The following TINAG variants were observed in gnomAD, a reference collection of about 807,000 sequenced individuals.
TINAG encodes tubulointerstitial nephritis antigen.
A neutral mutation model predicts 72.7 loss-of-function variants in TINAG; 83 were observed. That is an observed-to-expected ratio of 1.14 (90% CI 0.96 to 1.37). TINAG has a LOEUF of 1.37. Ranked by LOEUF, TINAG falls within the 40% of genes most tolerant of loss-of-function variation. The pLI is 0.00. For synonymous variants in TINAG, 234 were observed against 189.9 expected, an observed-to-expected ratio of 1.23 and a Z score of -1.91; for missense variants, 685 against 576.6, an observed-to-expected ratio of 1.19 and a Z score of -1.93.
At chr6:54,308,981 T>G in intron 1 of TINAG, 76 bp downstream of exon 1, 2 of 1,233,146 alleles carry the variant, frequency 1.6e-6, no homozygotes, top group Non-Finnish European at 2.2e-6. Context: ...CTCTTTTTCT[T>G]CTTTCTTTTT....
intron 9 of TINAG, among the ~76,000 whole-genome samples, chr6:54,373,168 T>A (rs1763682628): frequency 6.6e-6 from 1 of 151,890 alleles, no homozygotes; most frequent in African/African-American, 2.4e-5. Context: ...ATTGGTATAA[T>A]GACCCAACTG....
At chr6:54,323,192 C>T (rs1360691812) in intron 3 of TINAG, among the ~76,000 whole-genome samples, 1 of 152,104 alleles carries the variant, frequency 6.6e-6, no homozygotes, top group African/African-American at 2.4e-5. Flanking sequence ...AATATTAAAA[C>T]ATCACATAAC....
intron 4 of TINAG, 71 bp downstream of exon 4, chr6:54,326,987 A>G: frequency 1.3e-6 from 2 of 1,593,206 alleles, no homozygotes; most frequent in African/African-American, 1.4e-5. Context: ...ATTAAAAGCA[A>G]TTATAAATCA....
chr6:54,380,498 C>T (rs763033273), intron 9 of TINAG, 28 bp from the exon 10 acceptor site: 4 of 1,591,706 alleles, frequency 2.5e-6, no homozygotes, highest in Non-Finnish European at 3.4e-6. Flanking sequence ...TTAACCATAC[C>T]AATCTTTATT....
intron 10 of TINAG, among the ~76,000 whole-genome samples, chr6:54,388,437 A>G (rs1250933089): frequency 1.3e-5 from 2 of 152,152 alleles, no homozygotes; most frequent in Non-Finnish European, 2.9e-5. Context: ...AAAATTGGCT[A>G]TTTCTTAAAG....
intron 10 of TINAG, among the ~76,000 whole-genome samples, chr6:54,385,954 G>C (rs750920932): frequency 7.5e-6 from 1 of 134,082 alleles, no homozygotes; most frequent in Non-Finnish European, 1.5e-5. Context: ...GCAGTGTCGT[G>C]ATCTTGGCTA....
chr6:54,361,809 A>G (rs1259807145), intron 9 of TINAG, among the ~76,000 whole-genome samples: 1 of 151,768 alleles, frequency 6.6e-6, no homozygotes, highest in African/African-American at 2.4e-5. Flanking sequence ...TAATCCAACA[A>G]ATATACAAAT....
intron 9 of TINAG, among the ~76,000 whole-genome samples, chr6:54,372,512 G>A (rs1053465592): frequency 6.6e-6 from 1 of 151,912 alleles, no homozygotes; most frequent in Admixed American, 6.6e-5. Context: ...TGAATTTCCA[G>A]AGATTTGGGG....
At chr6:54,356,205 T>C (rs1303624268) in intron 9 of TINAG, among the ~76,000 whole-genome samples, 1 of 151,850 alleles carries the variant, frequency 6.6e-6, no homozygotes, top group Non-Finnish European at 1.5e-5. Context: ...ATACACTCTC[T>C]ACTAAAATTA....
At chr6:54,370,920 G>T (rs1011417698) in intron 9 of TINAG, among the ~76,000 whole-genome samples, 2 of 152,012 alleles carry the variant, frequency 1.3e-5, no homozygotes, top group Admixed American at 1.3e-4. Flanking sequence ...CACTGATCAG[G>T]TCTGTTCCAC....
Position 54,389,842 on chromosome 6 carries a change from A to G in TINAG, c.1348A>G (p.Ile450Val), listed in dbSNP as rs749130253. 4 of 1,608,956 alleles carry G rather than the reference A, an allele frequency of 2.5e-6. No individual in the cohort carries two copies. The African/African-American group carries it at 5.4e-5, about 22-fold the overall frequency. ...KSWGENGYFRILRGVNESDIE... is the reference protein window; with the variant it reads ...KSWGENGYFRVLRGVNESDIE... The stretch of plus-strand genomic sequence containing the variant: ...ATGGGGAGAGAATGGCTATTTCAGG[A>G]TTCTTCGAGGAGTAAATGAGTCCGA... Residue 450 changes from isoleucine to valine, a missense_variant, in exon 11 of 11, where the codon ATT (isoleucine) becomes GTT (valine). Coordinates refer to ENST00000259782, the MANE Select transcript of TINAG (RefSeq NM_014464.4).
At chr6:54,341,232 A>G (rs1308859944) in intron 4 of TINAG, among the ~76,000 whole-genome samples, 1 of 152,190 alleles carries the variant, frequency 6.6e-6, no homozygotes, top group Admixed American at 6.5e-5. Context: ...ATTGAAGGGT[A>G]TGAGTTTTAA....
At chr6:54,359,529 C>G (rs1011459726) in intron 9 of TINAG, among the ~76,000 whole-genome samples, 1 of 151,702 alleles carries the variant, frequency 6.6e-6, no homozygotes, top group Non-Finnish European at 1.5e-5. Flanking sequence ...TTCATTTATG[C>G]TCAGTTTGAA....
upstream of TINAG, chr6:54,308,013 G>T (rs1259751858): frequency 1.8e-5 from 28 of 1,546,864 alleles, no homozygotes; most frequent in Non-Finnish European, 2.4e-5. Context: ...TGTGTGACTG[G>T]GCATGATTTA....
rs1784159793 is a variant in TINAG, at chr6:54,308,448, C to T, written c.-103C>T. The T allele has an allele frequency of 1.1e-6, 1 of 925,352 alleles. No homozygotes were observed. Among genetic ancestry groups the T allele is most frequent in the Admixed American group, 2.8e-5 (1 of 36,236 alleles). 57.3% of individuals were successfully genotyped at this position (925,352 alleles called of 1,614,324 possible). On this transcript the variant is annotated 5_prime_UTR_variant, in exon 1 of 11. Transcript: ENST00000259782. Reference sequence around the variant, plus strand: ...TAAAGGATCAGTTTCAGGGTTCAGGCTGAAGTGTCTTAATGACTAGAATTC... The same window carrying T: ...TAAAGGATCAGTTTCAGGGTTCAGGTTGAAGTGTCTTAATGACTAGAATTC...
At chr6:54,321,274 T>C (rs2150935922) in intron 2 of TINAG, 23 bp from the exon 3 acceptor site, 2 of 1,599,066 alleles carry the variant, frequency 1.3e-6, no homozygotes, top group East Asian at 2.2e-5. Flanking sequence ...CAAGCCACTT[T>C]TGTAATTGTC....
chr6:54,371,777 A>T (rs1763615299), intron 9 of TINAG, among the ~76,000 whole-genome samples: 1 of 151,924 alleles, frequency 6.6e-6, no homozygotes, highest in South Asian at 2.1e-4. Flanking sequence ...CTTAACCTCT[A>T]TTGGATTGCA....
At position 54,338,781 on chromosome 6, in the gene TINAG, T is replaced by C. The variant is rs145173913; in HGVS notation, c.625-4445T>C. Among the ~76,000 whole-genome samples the C allele has an allele frequency of 3.6e-4, 53 of 148,542 alleles. 2 individuals carry two copies. The East Asian group carries it at 9.6e-3, about 27-fold the overall frequency. On this transcript the variant is annotated intron_variant, in intron 4 of 10. Coordinates refer to ENST00000259782, the MANE Select transcript of TINAG (RefSeq NM_014464.4). Reference sequence around the variant, plus strand: ...GATCTGCTTCACAATAAAAATGATATGATGTAAATGAAATAAAATATTTTG... The same window carrying C: ...GATCTGCTTCACAATAAAAATGATACGATGTAAATGAAATAAAATATTTTG...
At chr6:54,311,275 C>T (rs535345162) in intron 1 of TINAG, among the ~76,000 whole-genome samples, 1 of 152,170 alleles carries the variant, frequency 6.6e-6, no homozygotes, top group African/African-American at 2.4e-5. Flanking sequence ...TCTGTGATGT[C>T]CCTTCATCTC....
Sources: gnomAD v4.1 joint callset for allele counts (sites outside exome capture counted in the v4.1 genomes callset) on GRCh38, gnomAD v4.1.1 for gene constraint, MANE v1.5 for transcripts, NCBI Gene and HGNC (gene_info 2026-07-23, HGNC 2026-07-21) for gene names.